Variants in DYNC2I1 observed in about 807,000 individuals in gnomAD.
The protein encoded by DYNC2I1 is cytoplasmic dynein 2 intermediate chain 1.
Under a neutral mutation model 133.4 loss-of-function variants are expected in DYNC2I1, and 89 were observed. The observed-to-expected ratio is 0.67, with a 90% CI of 0.56 to 0.80. The LOEUF is 0.80. DYNC2I1 is among the 30% of genes least tolerant of loss of function. The pLI, the probability that DYNC2I1 is intolerant of heterozygous loss-of-function variation, is 0.00. For missense variants in DYNC2I1, 1,291 were observed against 1,314.5 expected (o/e 0.98, Z 0.28); for synonymous variants, 504 against 484.3 (o/e 1.04, Z -0.54).
rs760864089 is a variant in DYNC2I1 at position 158,879,693 on chromosome 7, G to C, written c.583G>C (p.Gly195Arg). 1 of 1,582,000 alleles carries C rather than the reference G, an allele frequency of 6.3e-7. No individual in the cohort carries two copies. The highest frequency in any genetic ancestry group is 8.5e-7 in the Non-Finnish European group (1 of 1,169,776). The change falls in exon 5 of 25, where the codon GGA (glycine) becomes CGA (arginine). Residue 195 changes from glycine (G) to arginine (R), a missense_variant. Coordinates refer to ENST00000407559, the MANE Select transcript of DYNC2I1 (RefSeq NM_018051.5). ...RRYRERKLQY[G>R]DSKDNPLKYW... ...TTGTCGTGTTTTACAGCTGCAGTAC[G>C]GAGACAGCAAGGACAACCCTCTCAA...
At chr7:158,870,385 AC>A (rs1842776177) in intron 2 of DYNC2I1, among the ~76,000 whole-genome samples, 1 of 151,900 alleles carries the variant, frequency 6.6e-6, no homozygotes. Context: ...ACAGGGTCTT[AC>A]CGTTTTGCCT....
In DYNC2I1 at chr7:158,856,665, T is replaced by C. The variant is rs1841259406; in HGVS notation, c.-71T>C. On this transcript the variant is annotated 5_prime_UTR_variant, in exon 1 of 25. Coordinates refer to ENST00000407559, the MANE Select transcript of DYNC2I1 (RefSeq NM_018051.5). ...CCTCCCGAAGGGTGCGGGGCACAGG[T>C]GGCCTCTTCGGGGTGGACCGCGCCT... 2 of 1,227,798 alleles carry C rather than the reference T, an allele frequency of 1.6e-6. No individual in the cohort carries two copies. Among genetic ancestry groups the C allele is most frequent in the African/African-American group, 3.1e-5 (2 of 64,284 alleles). 76.1% of individuals were successfully genotyped at this position (1,227,798 alleles called of 1,614,324 possible).
At chr7:158,884,384 C>T (rs1406775949) in intron 5 of DYNC2I1, among the ~76,000 whole-genome samples, 180 bp from the exon 6 acceptor site, 5 of 152,148 alleles carry the variant, frequency 3.3e-5, no homozygotes, top group Admixed American at 6.6e-5. Flanking sequence ...ATTTTCTTTA[C>T]ATTTAATTAT....
At chr7:158,943,696 C>G (rs1585260718) in intron 24 of DYNC2I1, among the ~76,000 whole-genome samples, 1 of 104,500 alleles carries the variant, frequency 9.6e-6, no homozygotes, top group African/African-American at 4.1e-5. Flanking sequence ...TAGTGGAGAG[C>G]ATGTTTGTTG....
chr7:158,897,119 G>T (rs1293431094), intron 8 of DYNC2I1, among the ~76,000 whole-genome samples: 3 of 151,888 alleles, frequency 2.0e-5, no homozygotes, highest in Non-Finnish European at 2.9e-5. Flanking sequence ...GAGTAGCTGG[G>T]ATTACAGGTG....
At chr7:158,855,513 A>T (rs182829838), upstream of DYNC2I1, among the ~76,000 whole-genome samples, 192 of 152,358 alleles carry the variant, frequency 1.3e-3, no homozygotes, top group Non-Finnish European at 1.9e-3. Context: ...CTTGTGGCTA[A>T]CATCAGTCCT....
chr7:158,881,552 C>G (rs1563104062), intron 5 of DYNC2I1, among the ~76,000 whole-genome samples: 1 of 152,092 alleles, frequency 6.6e-6, no homozygotes. Context: ...CTCCCAGGTT[C>G]ACGCCATTCT....
chr7:158,932,468 A>G (rs1456981672), intron 21 of DYNC2I1, among the ~76,000 whole-genome samples: 1 of 152,104 alleles, frequency 6.6e-6, no homozygotes, highest in Non-Finnish European at 1.5e-5. Flanking sequence ...CTGCCGTGCT[A>G]AAGGGTGTGG....
At chr7:158,937,887 G>A (rs1161768986) in intron 23 of DYNC2I1, among the ~76,000 whole-genome samples, 1 of 152,042 alleles carries the variant, frequency 6.6e-6, no homozygotes, top group Non-Finnish European at 1.5e-5. Context: ...GTGACAGAGT[G>A]AATACTGTTT....
At chr7:158,906,912 C>T (rs1327930841) in intron 11 of DYNC2I1, among the ~76,000 whole-genome samples, 1 of 152,144 alleles carries the variant, frequency 6.6e-6, no homozygotes, top group Non-Finnish European at 1.5e-5. Flanking sequence ...TGCCTATAAT[C>T]CCAGCACTTT....
chr7:158,900,183 G>A (rs1563135041), intron 8 of DYNC2I1, among the ~76,000 whole-genome samples: 1 of 149,886 alleles, frequency 6.7e-6, no homozygotes, highest in Admixed American at 6.7e-5. Context: ...GTGCAATGGT[G>A]CGATCTCAGC....
chr7:158,903,223 T>C (rs1846415681), intron 10 of DYNC2I1: 1 of 152,216 alleles, frequency 6.6e-6, no homozygotes, highest in South Asian at 2.1e-4. Flanking sequence ...CTTTTTTTCC[T>C]ACAAGGACCT....
At chr7:158,875,091 CTTTTTT>C (rs35170585) in intron 3 of DYNC2I1, among the ~76,000 whole-genome samples, 4 of 110,594 alleles carry the variant, frequency 3.6e-5, no homozygotes, top group African/African-American at 1.1e-4. Flanking sequence ...TGGTAAATGC[CTTTTTT>C]TTTTTTTTTT....
intron 20 of DYNC2I1, among the ~76,000 whole-genome samples, chr7:158,928,269 T>A (rs1010280467): frequency 1.3e-5 from 2 of 150,788 alleles, no homozygotes; most frequent in African/African-American, 4.8e-5. Flanking sequence ...TAGCCCATGT[T>A]TTGATCTCAA....
intron 7 of DYNC2I1, among the ~76,000 whole-genome samples, chr7:158,888,468 C>CATAT (rs112738029): frequency 1.8e-3 from 260 of 147,598 alleles, no homozygotes; most frequent in Middle Eastern, 3.6e-3. Flanking sequence ...GCCATACATA[C>CATAT]ATATATATAT....
rs1456090851 is a variant in DYNC2I1 at position 158,890,552 on chromosome 7, T to TGG, written c.991-713_991-712insGG. 3.9e-5 allele frequency among the ~76,000 whole-genome samples: 6 copies of TGG among 152,312 alleles called. No homozygotes were observed. The East Asian group carries it at 1.2e-3, about 29-fold the overall frequency. ...TCTATTTTCTTCATGAATAATACTTTATACTGTCACCAGTTTTAGACACTG... is the reference window on the plus strand; with the variant it reads ...TCTATTTTCTTCATGAATAATACTTTGGATACTGTCACCAGTTTTAGACACTG... On this transcript the variant is annotated intron_variant, in intron 7 of 24. Coordinates refer to ENST00000407559, the MANE Select transcript of DYNC2I1 (RefSeq NM_018051.5).
At chr7:158,948,712 A>C (rs1317229868), downstream of DYNC2I1, among the ~76,000 whole-genome samples, 1 of 152,118 alleles carries the variant, frequency 6.6e-6, no homozygotes, top group African/African-American at 2.4e-5. Context: ...CAATGACCCC[A>C]CACCCCCCAC....
chr7:158,951,947 G>A (rs921577574), intron 4 of DYNC2I1, among the ~76,000 whole-genome samples: 1 of 152,154 alleles, frequency 6.6e-6, no homozygotes, highest in African/African-American at 2.4e-5. Flanking sequence ...GAATAGAATC[G>A]CCCTGGGTTG....
At chr7:158,875,127 G>T (rs1446273335) in intron 3 of DYNC2I1, among the ~76,000 whole-genome samples, 1 of 128,922 alleles carries the variant, frequency 7.8e-6, no homozygotes, top group Non-Finnish European at 1.5e-5. Flanking sequence ...AAGGAGTCTC[G>T]CTCTATTGTC....
Sources: allele counts gnomAD v4.1 joint callset (sites outside exome capture counted in the v4.1 genomes callset), GRCh38; gene constraint gnomAD v4.1.1; transcripts MANE v1.5; gene names NCBI Gene and HGNC (gene_info 2026-07-23, HGNC 2026-07-21).